Variants in TIA1 observed in about 807,000 individuals in gnomAD.
TIA1 encodes cytotoxic granule associated RNA binding protein TIA1.
Under a neutral mutation model 65.9 loss-of-function variants are expected in TIA1, and 23 were observed. The observed-to-expected ratio is 0.35, with a 90% CI of 0.25 to 0.49. TIA1 has a LOEUF of 0.49. TIA1 is among the 20% of genes least tolerant of loss of function. The pLI, the probability that TIA1 is intolerant of heterozygous loss-of-function variation, is 0.98. For synonymous variants in TIA1, 147 were observed against 149.4 expected, an observed-to-expected ratio of 0.98 and a Z score of 0.12; for missense variants, 371 against 477.9, an observed-to-expected ratio of 0.78 and a Z score of 2.09.
intron 7 of TIA1, 171 bp downstream of exon 7, chr2:70,224,383 C>G: frequency 1.2e-6 from 1 of 848,020 alleles, no homozygotes; most frequent in Non-Finnish European, 1.8e-6. Context: ...CTCTGCATGC[C>G]TCAGGTGCCA....
chr2:70,244,290 C>T (rs1258892993), intron 1 of TIA1, among the ~76,000 whole-genome samples: 1 of 152,146 alleles, frequency 6.6e-6, no homozygotes, highest in Admixed American at 6.6e-5. Flanking sequence ...CCCCTTCCTC[C>T]TTACCATGCA....
chr2:70,226,954 C>G (rs1684075803), intron 6 of TIA1, among the ~76,000 whole-genome samples: 1 of 152,130 alleles, frequency 6.6e-6, no homozygotes. Context: ...CTCATCTCAT[C>G]TCTGCTGTTG....
intron 10 of TIA1, 45 bp downstream of exon 10, chr2:70,216,163 A>G: frequency 7.3e-7 from 1 of 1,368,746 alleles, no homozygotes; most frequent in Non-Finnish European, 1.0e-6. Flanking sequence ...CTGGTTTTCC[A>G]GTTACATTAC....
In TIA1 at chr2:70,220,946, G is replaced by A. The variant is rs549228431; in HGVS notation, c.474+3608C>T. 9.2e-5 allele frequency among the ~76,000 whole-genome samples: 14 copies of A among 151,820 alleles called. No homozygotes were observed. The South Asian group carries it at 2.9e-3, about 32-fold the overall frequency. Reference sequence around the variant, plus strand: ...TTTGGGAGGCCAAGGCGGGCGGACTGGTGGAAGCCAGGAGTTCGAGGCCAG... The same window carrying A: ...TTTGGGAGGCCAAGGCGGGCGGACTAGTGGAAGCCAGGAGTTCGAGGCCAG... On this transcript the variant is annotated intron_variant, in intron 7 of 12. Coordinates refer to ENST00000433529, the MANE Select transcript of TIA1 (RefSeq NM_022173.4).
At chr2:70,219,492 T>TA (rs917271347) in intron 7 of TIA1, among the ~76,000 whole-genome samples, 2 of 151,688 alleles carry the variant, frequency 1.3e-5, no homozygotes, top group South Asian at 2.1e-4. Flanking sequence ...CGAAATGCTT[T>TA]AAAAAAAAAT....
At chr2:70,228,087 C>G (rs1488959613) in intron 5 of TIA1, among the ~76,000 whole-genome samples, 1 of 152,090 alleles carries the variant, frequency 6.6e-6, no homozygotes, top group Non-Finnish European at 1.5e-5. Flanking sequence ...AATTATTACA[C>G]TGGTCTAAGA....
rs1314879836 is a variant in TIA1, at chr2:70,210,898, T to C, written c.*1821A>G. On this transcript the variant is annotated 3_prime_UTR_variant, in exon 13 of 13. Coordinates refer to ENST00000433529, the MANE Select transcript of TIA1 (RefSeq NM_022173.4). ...TGTATCAACACTTAAAAATACACAG[T>C]GACTTAATGAAATATCAGCACAACT... is the stretch of plus-strand genomic sequence containing the variant. The C allele has an allele frequency of 1.3e-5, 2 of 152,144 alleles. No homozygotes were observed. The highest frequency in any genetic ancestry group is 6.5e-5 in the Admixed American group (1 of 15,268). The allele number at this position is 152,144 out of a possible 1,614,324, so 9.4% of individuals were successfully genotyped here. A position where few individuals can be genotyped will look rare whatever the true frequency, so the allele number is the denominator to read the frequency against.
At chr2:70,215,751 CA>C in intron 10 of TIA1, 3 of 363,888 alleles carry the variant, frequency 8.2e-6, no homozygotes, top group East Asian at 6.3e-5. Flanking sequence ...AGAGAAATTT[CA>C]ATTTTTTTTT....
intron 8 of TIA1, 117 bp from the exon 9 acceptor site, chr2:70,216,616 T>C (rs899974779): frequency 2.3e-6 from 3 of 1,286,406 alleles, no homozygotes; most frequent in Non-Finnish European, 2.1e-6. Context: ...AATGCTTATA[T>C]TACACATATT....
intron 11 of TIA1, 50 bp downstream of exon 11, chr2:70,215,321 A>G: frequency 6.2e-7 from 1 of 1,608,508 alleles, no homozygotes. Flanking sequence ...TCACCTTAAA[A>G]TAACATTATT....
chr2:70,239,660 T>G (rs1273273548), intron 1 of TIA1, among the ~76,000 whole-genome samples: 1 of 152,150 alleles, frequency 6.6e-6, no homozygotes, highest in African/African-American at 2.4e-5. Flanking sequence ...ACATATTGAG[T>G]GCTTAACACG....
At chr2:70,244,655 G>A (rs569963879) in intron 1 of TIA1, among the ~76,000 whole-genome samples, 2 of 151,960 alleles carry the variant, frequency 1.3e-5, no homozygotes, top group South Asian at 2.1e-4. Context: ...CTAACACGGT[G>A]AAACTGTGTC....
At position 70,212,515 on chromosome 2, in the gene TIA1, A is replaced by G; in HGVS notation, c.*204T>C. 2.3e-6 allele frequency: 1 copy of G among 426,334 alleles called. No homozygotes were observed. Among genetic ancestry groups the G allele is most frequent in the South Asian group, 3.4e-5 (1 of 29,530 alleles). The allele number at this position is 426,334 out of a possible 1,614,324, so 26.4% of individuals were successfully genotyped here. ...CTTTATCAAAAAAGGTAATGAAGGC[A>G]AAAATTGGCAGACATCCAGCATCTT... is the stretch of plus-strand genomic sequence containing the variant. On this transcript the variant is annotated 3_prime_UTR_variant, in exon 13 of 13. Transcript: ENST00000433529.
At chr2:70,235,541 A>AGCGTGTGT (rs1553451641) in intron 2 of TIA1, among the ~76,000 whole-genome samples, 1 of 147,204 alleles carries the variant, frequency 6.8e-6, no homozygotes, top group Non-Finnish European at 1.5e-5. Flanking sequence ...TAGATGAATG[A>AGCGTGTGT]GTGTGTGTGT....
At position 70,212,597 on chromosome 2, in the gene TIA1, T is replaced by C; in HGVS notation, c.*122A>G. Reference sequence around the variant, plus strand: ...AATTTCATGATTAAAAATGAATCTTTTAAATAAATACATTGTATCTGACAT... The same window carrying C: ...AATTTCATGATTAAAAATGAATCTTCTAAATAAATACATTGTATCTGACAT... On this transcript the variant is annotated 3_prime_UTR_variant, in exon 13 of 13. Transcript: ENST00000433529. The C allele has an allele frequency of 1.7e-6, 1 of 584,186 alleles. No individual in the cohort carries two copies. The highest frequency in any genetic ancestry group is 2.7e-5 in the East Asian group (1 of 36,986). The allele number at this position is 584,186 out of a possible 1,614,324, so 36.2% of individuals were successfully genotyped here.
Position 70,212,338 on chromosome 2 carries a change from T to C in TIA1, c.*381A>G, listed in dbSNP as rs982524712. On this transcript the variant is annotated 3_prime_UTR_variant, in exon 13 of 13. Transcript: ENST00000433529. ...TTGGTTTTTTTTTTTAACATCTTTA[T>C]ATTACATGTTTTAAATCATATCAGG... is the stretch of plus-strand genomic sequence containing the variant. 1.8e-5 allele frequency: 3 copies of C among 167,888 alleles called. No homozygotes were observed. The highest frequency in any genetic ancestry group is 3.9e-5 in the Non-Finnish European group (3 of 76,260). The allele number at this position is 167,888 out of a possible 1,614,324, so 10.4% of individuals were successfully genotyped here. A position where few individuals can be genotyped will look rare whatever the true frequency, so the allele number is the denominator to read the frequency against.
rs192380715 is a variant in TIA1 at position 70,209,626 on chromosome 2, A to T, written c.*3093T>A. ...TGTGATTTAACAACAGAGAAAATCCAGGAAGAATGAATTGAGTTCCTTCTA... is the reference window on the plus strand; with the variant it reads ...TGTGATTTAACAACAGAGAAAATCCTGGAAGAATGAATTGAGTTCCTTCTA... On this transcript the variant is annotated 3_prime_UTR_variant, in exon 13 of 13. Coordinates refer to ENST00000433529, the MANE Select transcript of TIA1 (RefSeq NM_022173.4). 59 of 398,420 alleles carry T rather than the reference A, an allele frequency of 1.5e-4. No homozygotes were observed. Among genetic ancestry groups the T allele is most frequent in the African/African-American group, 1.1e-3 (55 of 48,762 alleles). The allele number at this position is 398,420 out of a possible 1,614,324, so 24.7% of individuals were successfully genotyped here.
chr2:70,216,908 G>C lies in TIA1; in HGVS notation c.561C>G (p.Pro187=). 4 of 1,613,956 alleles carry C rather than the reference G, an allele frequency of 2.5e-6. No individual in the cohort carries two copies. Among genetic ancestry groups the C allele is most frequent in the Non-Finnish European group, 3.4e-6 (4 of 1,179,936 alleles). Residue 187 remains proline, a synonymous_variant, in exon 8 of 13, where the codon CCC becomes CCG. Transcript: ENST00000433529. ...TACACTCATATGTACTCTTTGGAGC[G>C]GGAGGCTTTCGGGTTGCCCAGTTAG... is the stretch of plus-strand genomic sequence containing the variant. The part of the protein sequence containing the change: ...IRTNWATRKP[P]APKSTYESNT...
chr2:70,223,509 C>T (rs936725187), intron 7 of TIA1, among the ~76,000 whole-genome samples: 2 of 151,890 alleles, frequency 1.3e-5, no homozygotes, highest in Non-Finnish European at 2.9e-5. Flanking sequence ...GCAGCTTTGG[C>T]CTCCTGGATT....
Sources: gnomAD v4.1 joint callset for allele counts (sites outside exome capture counted in the v4.1 genomes callset) on GRCh38, gnomAD v4.1.1 for gene constraint, MANE v1.5 for transcripts, NCBI Gene and HGNC (gene_info 2026-07-23, HGNC 2026-07-21) for gene names.